MYO18B: variants seen among roughly 807,000 people sequenced by gnomAD.
The protein encoded by MYO18B is myosin XVIIIB.
In MYO18B, 204 loss-of-function variants were observed where a neutral mutation model predicts 273.0. The ratio of observed to expected loss-of-function variants is 0.75; its 90% CI spans 0.67 to 0.84. MYO18B has a LOEUF of 0.84. Ranked by LOEUF, MYO18B falls within the 40% of genes least tolerant of loss-of-function variation. The pLI, the probability that MYO18B is intolerant of heterozygous loss-of-function variation, is 0.00. For synonymous variants in MYO18B, 1,330 were observed against 1,305.7 expected (o/e 1.02, Z -0.40); for missense variants, 3,212 against 3,287.6 (o/e 0.98, Z 0.56).
At chr22:25,799,030 C>T (rs548261448) in intron 12 of MYO18B, among the ~76,000 whole-genome samples, 4 of 152,164 alleles carry the variant, frequency 2.6e-5, no homozygotes, top group African/African-American at 7.2e-5. Flanking sequence ...TTACCCTCTC[C>T]GTATCCAATC....
intron 34 of MYO18B, among the ~76,000 whole-genome samples, chr22:25,925,730 C>T (rs1176165302): frequency 6.6e-6 from 1 of 151,086 alleles, no homozygotes; most frequent in East Asian, 1.9e-4. Context: ...CATGGTGAAA[C>T]CCTGTCTCTA....
chr22:25,935,739 T>C (rs563338895), intron 34 of MYO18B, among the ~76,000 whole-genome samples: 36 of 152,248 alleles, frequency 2.4e-4, no homozygotes, highest in African/African-American at 8.2e-4. Flanking sequence ...AAGGCTGTGG[T>C]CACCCTCCCT....
At chr22:25,886,201 G>T (rs2091494425) in intron 25 of MYO18B, among the ~76,000 whole-genome samples, 1 of 152,210 alleles carries the variant, frequency 6.6e-6, no homozygotes, top group Non-Finnish European at 1.5e-5. Flanking sequence ...ACTATCTGTG[G>T]TGGCGATGGT....
Position 25,768,186 on chromosome 22 carries a change from C to T in MYO18B, c.270C>T (p.Ile90=). 1 of 1,613,736 alleles carries T rather than the reference C, an allele frequency of 6.2e-7. No homozygotes were observed. Among genetic ancestry groups the T allele is most frequent in the Non-Finnish European group, 8.5e-7 (1 of 1,179,784 alleles). ...GCACCAGATCTGGAAGCCAGCAGATCTCTCAGGACGACCAGTCAAGCTCTC... is the reference window on the plus strand; with the variant it reads ...GCACCAGATCTGGAAGCCAGCAGATTTCTCAGGACGACCAGTCAAGCTCTC... ...SSGTRSGSQQ[I]SQDDQSSSPG... is the part of the protein sequence containing the mutation. Residue 90 remains isoleucine (I), a synonymous_variant, in exon 4 of 44, where the codon ATC becomes ATT. Coordinates refer to ENST00000335473, the MANE Select transcript of MYO18B (RefSeq NM_032608.7).
At chr22:25,990,721 GAAAA>G (rs1569270836) in intron 39 of MYO18B, among the ~76,000 whole-genome samples, 1 of 26,996 alleles carries the variant, frequency 3.7e-5, no homozygotes, top group Non-Finnish European at 6.6e-5. Flanking sequence ...AAAAAAAAAA[GAAAA>G]AGAAAAAAAA....
chr22:25,872,790 A>G (rs77138731), intron 22 of MYO18B, among the ~76,000 whole-genome samples: 5,528 of 152,276 alleles, frequency 0.036, 157 homozygotes, highest in East Asian at 0.15. Flanking sequence ...GTTCCAAAAC[A>G]CAGTAAGTGC....
intron 39 of MYO18B, among the ~76,000 whole-genome samples, chr22:25,989,912 C>CAGTG (rs1468366793): frequency 6.6e-6 from 1 of 152,202 alleles, no homozygotes; most frequent in African/African-American, 2.4e-5. Flanking sequence ...CACAGTCCCT[C>CAGTG]AGTGTCTTTT....
At chr22:25,993,801 C>T (rs989316446) in intron 40 of MYO18B, among the ~76,000 whole-genome samples, 1 of 152,022 alleles carries the variant, frequency 6.6e-6, no homozygotes, top group Non-Finnish European at 1.5e-5. Flanking sequence ...AAGAACCAGA[C>T]ATCTATATTG....
In MYO18B at chr22:25,868,362, G is replaced by C. The variant is rs1389574223; in HGVS notation, c.3928G>C (p.Ala1310Pro). 3.1e-6 allele frequency: 5 copies of C among 1,602,400 alleles called. No individual in the cohort carries two copies. Among genetic ancestry groups the C allele is most frequent in the Admixed American group, 3.4e-5 (2 of 58,440 alleles). The change falls in exon 22 of 44, where the codon GCG becomes CCG. Residue 1310 changes from alanine (A) to proline (P), a missense_variant. Coordinates refer to ENST00000335473, the MANE Select transcript of MYO18B (RefSeq NM_032608.7). The part of the protein sequence containing the change: ...LLETLDLEKK[A>P]VAVGHSQVFL... ...GGAGACCCTGGATCTGGAAAAGAAGGCGGTGGCTGTGGGGCACAGCCAAGT... is the reference window on the plus strand; with the variant it reads ...GGAGACCCTGGATCTGGAAAAGAAGCCGGTGGCTGTGGGGCACAGCCAAGT...
At chr22:25,954,894 G>C (rs556274318) in intron 38 of MYO18B, among the ~76,000 whole-genome samples, 3 of 152,148 alleles carry the variant, frequency 2.0e-5, no homozygotes, top group Admixed American at 2.0e-4. Flanking sequence ...GTATTTCTTA[G>C]AGAAGGGATT....
intron 11 of MYO18B, among the ~76,000 whole-genome samples, chr22:25,793,695 C>T (rs915506555): frequency 2.0e-5 from 3 of 152,160 alleles, no homozygotes; most frequent in Admixed American, 6.5e-5. Context: ...ATCTCCTGGG[C>T]GCTCTAAGCC....
intron 17 of MYO18B, among the ~76,000 whole-genome samples, chr22:25,839,608 C>T (rs1385726295): frequency 6.6e-6 from 1 of 152,090 alleles, no homozygotes; most frequent in East Asian, 1.9e-4. Context: ...GCCCTATAGG[C>T]GCCGAGCACA....
At chr22:25,803,243 G>A (rs1002807703) in intron 12 of MYO18B, among the ~76,000 whole-genome samples, 5 of 152,128 alleles carry the variant, frequency 3.3e-5, no homozygotes, top group Admixed American at 1.3e-4. Context: ...GATTACAGGC[G>A]TGAGCCACCA....
Position 26,027,415 on chromosome 22 carries a change from A to G in MYO18B, c.7441A>G (p.Asn2481Asp), listed in dbSNP as rs1375093739. 6.2e-7 allele frequency: 1 copy of G among 1,613,926 alleles called. No homozygotes were observed. The highest frequency in any genetic ancestry group is 1.3e-5 in the African/African-American group (1 of 75,032). Reference protein sequence around the residue: ...SSIHFETEEANRSFLSGIKTI... With the variant: ...SSIHFETEEADRSFLSGIKTI... The stretch of plus-strand genomic sequence containing the variant: ...CATCCACTTTGAAACGGAAGAGGCT[A>G]ACCGTTCCTTTCTCTCGGGGATCAA... Residue 2481 changes from asparagine to aspartate, a missense_variant, in exon 43 of 44, where the codon AAC (asparagine) becomes GAC (aspartate). Transcript: ENST00000335473. This position sits in a 1 kb window ranked among gnomAD's most constrained non-coding sequence, Gnocchi z 4.1.
In MYO18B at chr22:25,768,492, A is replaced by G; in HGVS notation, c.576A>G (p.Lys192=). Reference sequence around the variant, plus strand: ...CCACAGATACTGGAAAGGAAAAGAAAGGGGAGACCTCTAGGACTCCTTGTG... The same window carrying G: ...CCACAGATACTGGAAAGGAAAAGAAGGGGGAGACCTCTAGGACTCCTTGTG... ...PPATDTGKEK[K]GETSRTPCGS... is the part of the protein sequence containing the mutation. The change falls in exon 4 of 44, where the codon AAA becomes AAG. Residue 192 remains lysine (K), a synonymous_variant. Transcript: ENST00000335473. The G allele has an allele frequency of 6.2e-7, 1 of 1,604,340 alleles. No individual in the cohort carries two copies. The highest frequency in any genetic ancestry group is 1.1e-5 in the South Asian group (1 of 89,572).
chr22:25,755,542 A>G (rs2086088066), intron 1 of MYO18B, among the ~76,000 whole-genome samples: 1 of 152,090 alleles, frequency 6.6e-6, no homozygotes, highest in African/African-American at 2.4e-5. Flanking sequence ...GATCTGATAC[A>G]ATTTGAATGT....
intron 1 of MYO18B, among the ~76,000 whole-genome samples, 153 bp from the exon 2 acceptor site, chr22:25,760,828 ATCC>A (rs1442303998): frequency 6.6e-6 from 1 of 152,188 alleles, no homozygotes; most frequent in Non-Finnish European, 1.5e-5. Context: ...CTGCCTGACC[ATCC>A]TCCTTGCAGA....
At chr22:25,957,912 C>CTTT (rs1330432024) in intron 39 of MYO18B, among the ~76,000 whole-genome samples, 4 of 128,902 alleles carry the variant, frequency 3.1e-5, no homozygotes, top group Admixed American at 8.3e-5. Context: ...AACGCTTTTG[C>CTTT]TTTTTTTTTT....
intron 3 of MYO18B, among the ~76,000 whole-genome samples, 162 bp from the exon 4 acceptor site, chr22:25,767,953 G>A (rs1045349290): frequency 1.3e-5 from 2 of 152,334 alleles, no homozygotes; most frequent in African/African-American, 4.8e-5. Flanking sequence ...AAGGTCAAGG[G>A]TGCTAGGCTT....
Sources: gnomAD v4.1 joint callset for allele counts (sites outside exome capture counted in the v4.1 genomes callset) on GRCh38, gnomAD v4.1.1 for gene constraint, Gnocchi (gnomAD v3.1) non-coding constraint, MANE v1.5 for transcripts, NCBI Gene and HGNC (gene_info 2026-07-23, HGNC 2026-07-21) for gene names.